Variants in NRXN3 observed in about 807,000 individuals in gnomAD.
NRXN3 encodes neurexin III.
Under a neutral mutation model 137.6 loss-of-function variants are expected in NRXN3, and 32 were observed. That is an observed-to-expected ratio of 0.23 (90% CI 0.18 to 0.31). The LOEUF is 0.31. Ranked by LOEUF, NRXN3 falls within the 10% of genes least tolerant of loss-of-function variation. The probability of loss-of-function intolerance (pLI) is 1.00; values close to 1 mark genes in which losing one functional copy is unlikely to be tolerated. For synonymous variants in NRXN3, 798 were observed against 784.5 expected, an observed-to-expected ratio of 1.02 and a Z score of -0.29; for missense variants, 1,574 against 2,062.5, an observed-to-expected ratio of 0.76 and a Z score of 4.59.
At chr14:79,409,969 G>T (rs2095390561) in intron 15 of NRXN3, among the ~76,000 whole-genome samples, 1 of 151,498 alleles carries the variant, frequency 6.6e-6, no homozygotes, top group South Asian at 2.1e-4. Flanking sequence ...TTGGGTAAAA[G>T]GAATAAATTA....
intron 10 of NRXN3, among the ~76,000 whole-genome samples, chr14:78,908,398 C>A (rs1377837476): frequency 6.6e-6 from 1 of 151,996 alleles, no homozygotes; most frequent in Non-Finnish European, 1.5e-5. Context: ...CTATGGGGAA[C>A]TTTCTGTCTC....
intron 15 of NRXN3, among the ~76,000 whole-genome samples, chr14:79,120,361 C>A (rs2055192255): frequency 6.6e-6 from 1 of 151,998 alleles, no homozygotes; most frequent in Admixed American, 6.6e-5. Flanking sequence ...AAATATATTT[C>A]TTTTAGAGGT....
chr14:79,629,821 G>A (rs1485868422), intron 16 of NRXN3, among the ~76,000 whole-genome samples: 8 of 73,232 alleles, frequency 1.1e-4, no homozygotes, highest in Admixed American at 4.3e-4. Context: ...GTGCGTGTGT[G>A]TGTGCGTGTG....
intron 10 of NRXN3, among the ~76,000 whole-genome samples, chr14:78,878,541 G>T (rs907583875): frequency 1.1e-4 from 16 of 152,028 alleles, no homozygotes; most frequent in South Asian, 8.3e-4. Context: ...ATTCATTGTT[G>T]TTCCAAAGCA....
At position 79,692,186 on chromosome 14, in the gene NRXN3, T is replaced by C. The variant is rs748740814; in HGVS notation, c.3630T>C (p.Asn1210=). 14 of 1,608,596 alleles carry C rather than the reference T, an allele frequency of 8.7e-6. No individual in the cohort carries two copies. Among genetic ancestry groups the C allele is most frequent in the Non-Finnish European group, 1.2e-5 (14 of 1,177,538 alleles). The change falls in exon 18 of 21, where the codon AAT becomes AAC. Residue 1210 remains asparagine (N), a synonymous_variant. Coordinates refer to ENST00000335750, the MANE Select transcript of NRXN3 (RefSeq NM_001330195.2). ...TAAACTTTAAAGGCAACACTGATAA[T>C]GAACGCTTCCAAATGGTAAAACAGA... ...NEHYPTGNTD[N]ERFQMVKQKI...
chr14:78,543,174 G>A (rs1464515600), intron 4 of NRXN3, among the ~76,000 whole-genome samples: 6 of 152,086 alleles, frequency 3.9e-5, no homozygotes, highest in Admixed American at 2.6e-4. Flanking sequence ...GTAAGGCCTG[G>A]GAAGGGTAGA....
chr14:78,408,046 G>A (rs2092601524), intron 4 of NRXN3, among the ~76,000 whole-genome samples: 1 of 152,152 alleles, frequency 6.6e-6, no homozygotes, highest in Non-Finnish European at 1.5e-5. Context: ...AATAATTATA[G>A]GAAAGAACTA....
chr14:79,777,747 T>C (rs895626230), intron 19 of NRXN3, among the ~76,000 whole-genome samples: 14 of 151,880 alleles, frequency 9.2e-5, no homozygotes, highest in Non-Finnish European at 5.9e-5. Context: ...GTGGGTGGGG[T>C]ATCTACTCCA....
chr14:78,988,361 G>C lies in NRXN3; in HGVS notation c.3262+220G>C, dbSNP rs771104231. 33 of 550,214 alleles carry C rather than the reference G, an allele frequency of 6.0e-5. No homozygotes were observed. In the Admixed American group the frequency reaches 9.7e-4, roughly 16 times the overall value. 34.1% of individuals were successfully genotyped at this position (550,214 alleles called of 1,614,324 possible). A position where few individuals can be genotyped will look rare whatever the true frequency, so the allele number is the denominator to read the frequency against. On this transcript the variant is annotated intron_variant, in intron 15 of 20. Coordinates refer to ENST00000335750, the MANE Select transcript of NRXN3 (RefSeq NM_001330195.2). ...ATATTCTCCCACTTGCTCACTCCCT[G>C]TGTTTTTTCTTTAGATTAGAATAGC... is the stretch of plus-strand genomic sequence containing the variant.
intron 10 of NRXN3, among the ~76,000 whole-genome samples, chr14:78,849,355 A>T (rs1035361626): frequency 6.6e-5 from 10 of 152,094 alleles, no homozygotes; most frequent in African/African-American, 2.4e-4. Flanking sequence ...ATATCATTCA[A>T]CTGGTGAGTT....
intron 15 of NRXN3, among the ~76,000 whole-genome samples, chr14:79,147,537 A>C (rs1439281415): frequency 1.3e-5 from 2 of 152,082 alleles, no homozygotes; most frequent in Non-Finnish European, 2.9e-5. Context: ...TGAGGAACCT[A>C]GTTTCTTGTG....
intron 2 of NRXN3, among the ~76,000 whole-genome samples, chr14:78,266,678 G>A (rs1470353922): frequency 2.6e-5 from 4 of 152,126 alleles, no homozygotes; most frequent in African/African-American, 4.8e-5. Flanking sequence ...GCAGACTCCT[G>A]TTGAGCCTTC....
Position 78,294,572 on chromosome 14 carries a change from A to G in NRXN3, c.728-3259A>G, listed in dbSNP as rs59574793. On this transcript the variant is annotated intron_variant, in intron 3 of 20. Coordinates refer to ENST00000335750, the MANE Select transcript of NRXN3 (RefSeq NM_001330195.2). Reference sequence around the variant, plus strand: ...TTCCGTCTCAAAAAAAAAAAAAAAAAAAAAAAAGAAAAAGCTCCTATGTGT... The same window carrying G: ...TTCCGTCTCAAAAAAAAAAAAAAAAGAAAAAAAGAAAAAGCTCCTATGTGT... 3.1e-3 allele frequency among the ~76,000 whole-genome samples: 467 copies of G among 151,642 alleles called. 2 individuals carry two copies. Among genetic ancestry groups the G allele is most frequent in the South Asian group, 7.5e-3 (36 of 4,814 alleles).
chr14:79,770,315 C>A (rs371996277), intron 19 of NRXN3, among the ~76,000 whole-genome samples: 7 of 152,088 alleles, frequency 4.6e-5, no homozygotes, highest in Admixed American at 2.0e-4. Flanking sequence ...AATCAACAGA[C>A]TATACATTTT....
intron 4 of NRXN3, among the ~76,000 whole-genome samples, chr14:78,311,699 A>G (rs991708243): frequency 1.3e-5 from 2 of 151,114 alleles, no homozygotes; most frequent in Admixed American, 1.3e-4. Context: ...TCCTCATAAA[A>G]CCTGTTCTTT....
intron 8 of NRXN3, among the ~76,000 whole-genome samples, chr14:78,737,260 G>T (rs2098545167): frequency 6.6e-6 from 1 of 152,170 alleles, no homozygotes; most frequent in Admixed American, 6.5e-5. Flanking sequence ...GTGCCCATCT[G>T]CTGGGGGTGA....
chr14:79,031,123 A>G (rs2099607618), intron 15 of NRXN3, among the ~76,000 whole-genome samples: 1 of 152,116 alleles, frequency 6.6e-6, no homozygotes, highest in African/African-American at 2.4e-5. Flanking sequence ...TCAGGTATGT[A>G]ATGGAAACCT....
intron 20 of NRXN3, among the ~76,000 whole-genome samples, chr14:79,825,688 T>C (rs1190848771): frequency 1.3e-5 from 2 of 152,226 alleles, no homozygotes; most frequent in Non-Finnish European, 2.9e-5. Flanking sequence ...GACTACTCTC[T>C]GAATAGATTT....
At chr14:79,149,039 T>C (rs925057251) in intron 15 of NRXN3, among the ~76,000 whole-genome samples, 6 of 152,272 alleles carry the variant, frequency 3.9e-5, no homozygotes, top group African/African-American at 7.2e-5. Context: ...CCCTGTCCTT[T>C]GATGCATAAG....
Sources: gnomAD v4.1 joint callset for allele counts (sites outside exome capture counted in the v4.1 genomes callset) on GRCh38, gnomAD v4.1.1 for gene constraint, MANE v1.5 for transcripts, NCBI Gene and HGNC (gene_info 2026-07-23, HGNC 2026-07-21) for gene names.